TEX9: variants seen among roughly 807,000 people sequenced by gnomAD.
TEX9 encodes the protein testis-expressed protein 9.
In TEX9, 74 loss-of-function variants were observed where a neutral mutation model predicts 59.6. The observed-to-expected ratio is 1.24, with a 90% confidence interval of 1.03 to 1.51. The LOEUF (loss-of-function observed/expected upper bound fraction) is 1.51. Ranked by LOEUF, TEX9 falls within the 40% of genes most tolerant of loss-of-function variation. The pLI, the probability that TEX9 is intolerant of heterozygous loss-of-function variation, is 0.00. For synonymous variants in TEX9, 186 were observed against 152.2 expected (o/e 1.22, Z -1.64); for missense variants, 522 against 447.8 (o/e 1.17, Z -1.49).
chr15:56,317,458 GT>G (rs1309502939), intron 1 of TEX9, among the ~76,000 whole-genome samples: 1 of 152,094 alleles, frequency 6.6e-6, no homozygotes, highest in Non-Finnish European at 1.5e-5. Flanking sequence ...AGGTTTGTCA[GT>G]TTTGTGAATC....
intron 9 of TEX9, among the ~76,000 whole-genome samples, chr15:56,399,477 C>T (rs1455539098): frequency 2.0e-5 from 3 of 152,236 alleles, no homozygotes; most frequent in Non-Finnish European, 4.4e-5. Flanking sequence ...TGGGCAGAGC[C>T]CACCACAGCT....
rs535125380 is a variant in TEX9 at position 56,299,565 on chromosome 15, A to G, written c.-107+55287A>G. Among the ~76,000 whole-genome samples, 5 of 152,206 alleles carry G rather than the reference A, an allele frequency of 3.3e-5. No homozygotes were observed. In the South Asian group the frequency reaches 1.0e-3, roughly 32 times the overall value. ...ATATACCAACTGGGGTGGCCAAGGGAATGCTTGTGTCACCTCTCCCCTAAA... is the reference window on the plus strand; with the variant it reads ...ATATACCAACTGGGGTGGCCAAGGGGATGCTTGTGTCACCTCTCCCCTAAA... On this transcript the variant is annotated intron_variant, in intron 1 of 5. Transcript: ENST00000560827.
chr15:56,279,971 G>T (rs1193994898), intron 1 of TEX9, among the ~76,000 whole-genome samples: 1 of 152,206 alleles, frequency 6.6e-6, no homozygotes, highest in Non-Finnish European at 1.5e-5. Context: ...ATATTGGACA[G>T]CTTGCAATAA....
At chr15:56,431,367 A>G in intron 12 of TEX9, 1 of 1,609,116 alleles carries the variant, frequency 6.2e-7, no homozygotes, top group Non-Finnish European at 8.5e-7. Context: ...GATAAATCTC[A>G]CTTACTTTAG....
intron 1 of TEX9, among the ~76,000 whole-genome samples, chr15:56,244,874 C>G (rs1428679269): frequency 6.6e-6 from 1 of 151,274 alleles, no homozygotes; most frequent in Non-Finnish European, 1.5e-5. Context: ...AAGTCAGTCT[C>G]CTTTAAGAGC....
Position 56,412,420 on chromosome 15 carries a change from T to G in TEX9, c.947T>G (p.Leu316Ter). The change falls in exon 10 of 13, where the codon TTA (leucine) becomes TGA (stop). Residue 316 changes from leucine to a stop codon, truncating the protein, a stop_gained. Coordinates refer to ENST00000352903, the Ensembl canonical transcript of TEX9. LOFTEE classifies it high-confidence loss of function. ...AAGTATAAACTGGAGTTAAGTAAAT[T>G]AAGGCAAAATAACAAGGTATGGAAA... 1 of 1,608,994 alleles carries G rather than the reference T, an allele frequency of 6.2e-7. No individual in the cohort carries two copies. Among genetic ancestry groups the G allele is most frequent in the East Asian group, 2.2e-5 (1 of 44,814 alleles).
At chr15:56,351,062 T>C (rs1214080451) in intron 1 of TEX9, among the ~76,000 whole-genome samples, 1 of 152,184 alleles carries the variant, frequency 6.6e-6, no homozygotes, top group Admixed American at 6.5e-5. Context: ...AAACTTAAGA[T>C]ACAACAAATA....
intron 12 of TEX9, among the ~76,000 whole-genome samples, chr15:56,432,634 A>T (rs1372743703): frequency 1.3e-5 from 2 of 152,196 alleles, no homozygotes; most frequent in Non-Finnish European, 2.9e-5. Flanking sequence ...TCTATGCATT[A>T]GGTGGCTTTA....
chr15:56,330,492 A>G (rs1235467143), intron 1 of TEX9, among the ~76,000 whole-genome samples: 1 of 152,176 alleles, frequency 6.6e-6, no homozygotes, highest in Non-Finnish European at 1.5e-5. Flanking sequence ...ATAGTATAAT[A>G]AGATATAAGT....
intron 1 of TEX9, among the ~76,000 whole-genome samples, chr15:56,302,507 C>A (rs1277558551): frequency 1.3e-5 from 2 of 151,980 alleles, no homozygotes; most frequent in African/African-American, 4.8e-5. Context: ...GATAACAGAG[C>A]CAGACCCTGT....
chr15:56,458,638 A>G, the TEX9 span, among the ~76,000 whole-genome samples: 1 of 152,172 alleles, frequency 6.6e-6, no homozygotes. Flanking sequence ...TCCTAAAAAC[A>G]ACTTACATTT....
At chr15:56,403,590 C>A (rs2142523155) in intron 9 of TEX9, among the ~76,000 whole-genome samples, 1 of 152,380 alleles carries the variant, frequency 6.6e-6, no homozygotes, top group South Asian at 2.1e-4. Flanking sequence ...CCATCCCCAT[C>A]AAGCTACCAA....
chr15:56,439,273 T>C (rs970185294), intron 12 of TEX9, among the ~76,000 whole-genome samples: 1 of 152,066 alleles, frequency 6.6e-6, no homozygotes, highest in Non-Finnish European at 1.5e-5. Context: ...TTCAAAGATC[T>C]AAATAAAGGG....
At position 56,388,292 on chromosome 15, in the gene TEX9, C is replaced by G. The variant is rs181593528; in HGVS notation, c.264-180C>G. Among the ~76,000 whole-genome samples, 513 of 151,946 alleles carry G rather than the reference C, an allele frequency of 3.4e-3. 5 individuals are homozygous for G. Among genetic ancestry groups the G allele is most frequent in the African/African-American group, 0.011 (465 of 41,458 alleles). The stretch of plus-strand genomic sequence containing the variant: ...TCTTCTCAAAGGTGAATTATTTAAC[C>G]AAAGCATTTTTCTTGTTTATGGTAC... On this transcript the variant is annotated intron_variant, in intron 4 of 12. Transcript: ENST00000352903.
chr15:56,445,757 T>C (rs1311968780), exon 13 of TEX9: 1 of 152,066 alleles, frequency 6.6e-6, no homozygotes, highest in African/African-American at 2.4e-5. Context: ...ACTTTCATTT[T>C]GTGGATCAAT....
intron 10 of TEX9, among the ~76,000 whole-genome samples, chr15:56,418,661 A>G (rs1596224421): frequency 6.6e-6 from 1 of 151,794 alleles, no homozygotes; most frequent in Non-Finnish European, 1.5e-5. Context: ...AAAAAAAACC[A>G]AAAAACAAAA....
chr15:56,428,176 G>A (rs951529876), intron 11 of TEX9, among the ~76,000 whole-genome samples, 191 bp from the exon 12 acceptor site: 23 of 152,052 alleles, frequency 1.5e-4, no homozygotes, highest in African/African-American at 5.3e-4. Flanking sequence ...TATCTTAAAA[G>A]TAAGTTGGTT....
chr15:56,431,118 C>G (rs2050580505), intron 12 of TEX9, among the ~76,000 whole-genome samples: 1 of 152,200 alleles, frequency 6.6e-6, no homozygotes, highest in Non-Finnish European at 1.5e-5. Context: ...CTTGCCACTG[C>G]ACTCCAGCCT....
At chr15:56,272,926 A>T (rs922429196) in intron 1 of TEX9, among the ~76,000 whole-genome samples, 2 of 118,734 alleles carry the variant, frequency 1.7e-5, no homozygotes, top group Non-Finnish European at 1.8e-5. Context: ...TTATTTATTT[A>T]TTTATTTATT....
Sources: gnomAD v4.1 joint callset for allele counts (sites outside exome capture counted in the v4.1 genomes callset) on GRCh38, gnomAD v4.1.1 for gene constraint, MANE v1.5 for transcripts, NCBI Gene and HGNC (gene_info 2026-07-23, HGNC 2026-07-21) for gene names.